CCNB3: variants seen among roughly 807,000 people sequenced by gnomAD.
The protein encoded by CCNB3 is cyclin B3.
CCNB3 carries 12 observed loss-of-function variants against 68.0 expected under a neutral mutation model. The ratio of observed to expected loss-of-function variants is 0.18; its 90% CI spans 0.11 to 0.29. The LOEUF (loss-of-function observed/expected upper bound fraction) is 0.29. CCNB3 is among the 10% of genes least tolerant of loss of function. The probability of loss-of-function intolerance (pLI) is 1.00; values close to 1 mark genes in which losing one functional copy is unlikely to be tolerated. For synonymous variants in CCNB3, 354 were observed against 388.9 expected (o/e 0.91, Z 1.06); for missense variants, 904 against 993.1 (o/e 0.91, Z 1.21).
At chrX:50,315,623 A>G (rs1287196040) in intron 8 of CCNB3, among the ~76,000 whole-genome samples, 2 of 111,358 alleles carry the variant, frequency 1.8e-5, no homozygotes, top group African/African-American at 6.5e-5. Flanking sequence ...GGGGGTGTGT[A>G]TAGTCTATTT....
At chrX:50,322,227 T>G (rs1922056794) in intron 8 of CCNB3, among the ~76,000 whole-genome samples, 1 of 109,746 alleles carries the variant, frequency 9.1e-6, no homozygotes, top group Non-Finnish European at 1.9e-5. Context: ...AACAGAGATA[T>G]AGACCAATGG....
At chrX:50,279,855 A>G (rs1477819838) in intron 1 of CCNB3, among the ~76,000 whole-genome samples, 1 of 87,649 alleles carries the variant, frequency 1.1e-5, no homozygotes, top group East Asian at 3.4e-4. Context: ...AATATAAAAT[A>G]TATATACTAT....
chrX:50,341,295 A>C (rs1332907108), intron 8 of CCNB3, among the ~76,000 whole-genome samples: 4 of 108,656 alleles, frequency 3.7e-5, no homozygotes, highest in South Asian at 8.0e-4. Flanking sequence ...GCACCACTGC[A>C]CTCCAGCCTG....
intron 8 of CCNB3, among the ~76,000 whole-genome samples, chrX:50,337,874 A>T (rs782117576): frequency 7.1e-5 from 8 of 112,352 alleles, no homozygotes; most frequent in African/African-American, 2.6e-4. Context: ...AAACCAAAGT[A>T]TCAAGTAATC....
intron 8 of CCNB3, among the ~76,000 whole-genome samples, chrX:50,326,644 C>CT (rs1239548697): frequency 9.0e-6 from 1 of 110,843 alleles, no homozygotes; most frequent in African/African-American, 3.3e-5. Flanking sequence ...TAAATTAGTT[C>CT]TTTTTTTCAT....
At chrX:50,293,646 A>C (rs1204698670) in intron 4 of CCNB3, among the ~76,000 whole-genome samples, 3 of 111,651 alleles carry the variant, frequency 2.7e-5, no homozygotes, top group African/African-American at 9.8e-5. Context: ...ACATCAACAC[A>C]TTTACTTAAT....
intron 1 of CCNB3, among the ~76,000 whole-genome samples, chrX:50,219,077 A>C (rs1259712300): frequency 9.0e-6 from 1 of 111,680 alleles, no homozygotes; most frequent in East Asian, 2.8e-4. Flanking sequence ...TCTTTTGAGA[A>C]GTGTCTGTTC....
intron 10 of CCNB3, 105 bp from the exon 11 acceptor site, chrX:50,347,517 TCAAA>T (rs1166919905): frequency 4.1e-6 from 3 of 730,921 alleles, no homozygotes; most frequent in Non-Finnish European, 4.0e-6. Flanking sequence ...GGCACATTAC[TCAAA>T]CAGAGGGCCA....
At chrX:50,285,280 C>T in intron 3 of CCNB3, 21 bp downstream of exon 3, 1 of 1,105,965 alleles carries the variant, frequency 9.0e-7, no homozygotes, top group Non-Finnish European at 1.3e-6. Flanking sequence ...GCTGTCTTTC[C>T]CAACAATATC....
At position 50,326,376 on chromosome X, in the gene CCNB3, C is replaced by G. The variant is rs147468639; in HGVS notation, c.3516+12428C>G. Among the ~76,000 whole-genome samples the G allele has an allele frequency of 1.1e-3, 128 of 111,658 alleles. 1 individual carries two copies. The highest frequency in any genetic ancestry group is 2.0e-3 in the Non-Finnish European group (105 of 53,041). On this transcript the variant is annotated intron_variant, in intron 8 of 12. Transcript: ENST00000376042. ...TAATTTTGTCTGGTATATTGTGAGT[C>G]CTTTCAGTCTAAAAGTTCATTATTT...
chrX:50,279,435 T>C (rs1175650102), intron 1 of CCNB3, among the ~76,000 whole-genome samples: 2 of 74,795 alleles, frequency 2.7e-5, no homozygotes, highest in African/African-American at 1.3e-4. Context: ...TATATATAAA[T>C]ATATATATAA....
intron 1 of CCNB3, among the ~76,000 whole-genome samples, chrX:50,226,295 T>TATATATATTTATATATATAGA (rs1935790008): frequency 5.2e-5 from 3 of 58,120 alleles, no homozygotes; most frequent in Admixed American, 3.0e-4. Context: ...ATATATAGAA[T>TATATATATTTATATATATAGA]ATATATATAG....
At chrX:50,292,444 T>G (rs1240301829) in intron 4 of CCNB3, among the ~76,000 whole-genome samples, 1 of 111,485 alleles carries the variant, frequency 9.0e-6, no homozygotes, top group Non-Finnish European at 1.9e-5. Context: ...TGATACATTC[T>G]TGGCTAGGAT....
At chrX:50,279,696 ATATG>A (rs1366170059) in intron 1 of CCNB3, among the ~76,000 whole-genome samples, 12 of 90,841 alleles carry the variant, frequency 1.3e-4, no homozygotes, top group Non-Finnish European at 2.5e-4. Context: ...ATGCAAACAT[ATATG>A]TGAATATGTA....
rs781986062 is a variant in CCNB3, at chrX:50,313,902, C to G, written c.3470C>G (p.Thr1157Ser). 8.3e-7 allele frequency: 1 copy of G among 1,210,261 alleles called. No homozygotes were observed. Among genetic ancestry groups the G allele is most frequent in the South Asian group, 1.8e-5 (1 of 56,813 alleles). ...TACATGAACAGGCAGATTGAAATCACCAGTGACATGAGGGCCATTCTTGTG... is the reference window on the plus strand; with the variant it reads ...TACATGAACAGGCAGATTGAAATCAGCAGTGACATGAGGGCCATTCTTGTG... The part of the protein sequence containing the change: ...TDYMNRQIEI[T>S]SDMRAILVDW... The change falls in exon 8 of 13, where the codon ACC (threonine) becomes AGC (serine). Residue 1157 changes from threonine to serine, a missense_variant. Thr to Ser is a moderately conservative substitution (Grantham distance 58, BLOSUM62 1). This residue lies in a region of CCNB3 where 285 missense variants were observed against 383.4 expected (regional missense o/e 0.74). Transcript: ENST00000376042.
At chrX:50,217,801 G>T (rs1166032898) in intron 1 of CCNB3, among the ~76,000 whole-genome samples, 2 of 111,578 alleles carry the variant, frequency 1.8e-5, no homozygotes, top group Non-Finnish European at 3.8e-5. Flanking sequence ...GAAGTTTTAT[G>T]ATGTGTTTAT....
At chrX:50,324,095 C>G (rs1557216960) in intron 8 of CCNB3, among the ~76,000 whole-genome samples, 1 of 112,550 alleles carries the variant, frequency 8.9e-6, no homozygotes, top group African/African-American at 3.2e-5. Context: ...GTGGCGCCAC[C>G]TTGGCTCACC....
rs782283362 is a variant in CCNB3 at position 50,308,853 on chromosome X, A to T, written c.684A>T (p.Thr228=). The change falls in exon 6 of 13, where the codon ACA becomes ACT. Residue 228 remains threonine, a synonymous_variant. Transcript: ENST00000376042. ...KTEEAAITKK[T]LSLKKKMCAS... ...AGGAGGCAGCCATCACCAAGAAGAC[A>T]TTATCCTTAAAGAAGAAGATGTGTG... The T allele has an allele frequency of 5.0e-6, 6 of 1,209,509 alleles. No homozygotes were observed. Among genetic ancestry groups the T allele is most frequent in the Non-Finnish European group, 5.6e-6 (5 of 895,154 alleles).
chrX:50,217,481 C>T (rs1468774093), intron 1 of CCNB3, among the ~76,000 whole-genome samples: 1 of 109,816 alleles, frequency 9.1e-6, no homozygotes, highest in South Asian at 3.9e-4. Context: ...ACCGTGTTAG[C>T]CAGGATGGTC....
Sources: allele counts gnomAD v4.1 joint callset (sites outside exome capture counted in the v4.1 genomes callset), GRCh38; gene constraint gnomAD v4.1.1; regional missense constraint gnomAD v4.1.1; transcripts MANE v1.5; gene names NCBI Gene and HGNC (gene_info 2026-07-23, HGNC 2026-07-21).